BAZ2B: variants seen among roughly 807,000 people sequenced by gnomAD.
BAZ2B encodes the protein bromodomain adjacent to zinc finger domain protein 2B.
A neutral mutation model predicts 246.0 loss-of-function variants in BAZ2B; 91 were observed. The observed-to-expected ratio is 0.37, with a 90% CI of 0.31 to 0.44. The LOEUF is 0.44. Ranked by LOEUF, BAZ2B falls within the 20% of genes least tolerant of loss-of-function variation. BAZ2B has a pLI of 1.00. For missense variants in BAZ2B, 2,332 were observed against 2,533.7 expected (o/e 0.92, Z 1.71); for synonymous variants, 855 against 860.0 (o/e 0.99, Z 0.10).
the BAZ2B span, among the ~76,000 whole-genome samples, chr2:159,679,122 A>G: frequency 6.6e-6 from 1 of 151,966 alleles, no homozygotes; most frequent in Admixed American, 6.6e-5. Flanking sequence ...AATACAAAAA[A>G]TTAGCCTGCT....
intron 27 of BAZ2B, among the ~76,000 whole-genome samples, chr2:159,351,332 G>T (rs1379807189): frequency 6.6e-6 from 1 of 151,998 alleles, no homozygotes; most frequent in African/African-American, 2.4e-5. Flanking sequence ...AATGGCAACA[G>T]AATGAACTAT....
At chr2:159,510,854 T>A (rs1270035270) in intron 2 of BAZ2B, among the ~76,000 whole-genome samples, 1 of 152,176 alleles carries the variant, frequency 6.6e-6, no homozygotes. Context: ...ACTCATAATA[T>A]TTTACTTACA....
intron 2 of BAZ2B, among the ~76,000 whole-genome samples, chr2:159,482,589 T>C (rs2079360779): frequency 6.6e-6 from 1 of 152,146 alleles, no homozygotes; most frequent in Non-Finnish European, 1.5e-5. Context: ...ATAGATTATG[T>C]ATATCCTTAC....
chr2:159,390,243 T>C (rs1255634056), intron 20 of BAZ2B, among the ~76,000 whole-genome samples: 2 of 152,196 alleles, frequency 1.3e-5, no homozygotes, highest in Non-Finnish European at 2.9e-5. Flanking sequence ...TCTTCCTTGA[T>C]TAAAAGTCTT....
chr2:159,415,534 A>G (rs1168408995), intron 13 of BAZ2B, among the ~76,000 whole-genome samples: 2 of 152,078 alleles, frequency 1.3e-5, no homozygotes, highest in Non-Finnish European at 2.9e-5. Flanking sequence ...ATTACCTTAT[A>G]GTCCAAAATA....
Position 159,348,670 on chromosome 2 carries a change from G to A in BAZ2B, c.5293+8C>T. ...GAAAGAAAGCTGAAATATCTTTTAG[G>A]TACACACCATCCTTATTCTTGAGGC... On this transcript the variant is annotated splice_region_variant and intron_variant, in intron 30 of 36. Coordinates refer to ENST00000392783, the MANE Select transcript of BAZ2B (RefSeq NM_013450.4). 1.3e-6 allele frequency: 2 copies of A among 1,587,592 alleles called. No individual in the cohort carries two copies. The highest frequency in any genetic ancestry group is 2.3e-5 in the South Asian group (2 of 85,648).
At chr2:159,654,077 C>A in the BAZ2B span, among the ~76,000 whole-genome samples, 2 of 152,114 alleles carry the variant, frequency 1.3e-5, no homozygotes, top group Non-Finnish European at 1.5e-5. Context: ...AGTGGGAATG[C>A]AATCAGAAAT....
At chr2:159,559,230 G>A (rs1195702371) in intron 1 of BAZ2B, among the ~76,000 whole-genome samples, 2 of 151,044 alleles carry the variant, frequency 1.3e-5, no homozygotes, top group African/African-American at 2.4e-5. Context: ...GGGTGAAGGA[G>A]TAACCCTGTT....
intron 36 of BAZ2B, 129 bp downstream of exon 36, chr2:159,324,682 A>T: frequency 4.2e-6 from 1 of 239,766 alleles, no homozygotes; most frequent in Non-Finnish European, 7.5e-6. Context: ...ACACACACAC[A>T]CACACACCTG....
intron 2 of BAZ2B, among the ~76,000 whole-genome samples, chr2:159,486,880 T>C (rs1307662780): frequency 6.6e-6 from 1 of 152,078 alleles, no homozygotes; most frequent in Non-Finnish European, 1.5e-5. Flanking sequence ...CTAGCTAATA[T>C]GTTAAATATA....
intron 2 of BAZ2B, among the ~76,000 whole-genome samples, chr2:159,483,411 G>C (rs1383318067): frequency 1.3e-5 from 2 of 152,038 alleles, no homozygotes; most frequent in African/African-American, 4.8e-5. Flanking sequence ...TGTTGCCCAG[G>C]CTGGTCTTGA....
At chr2:159,653,380 A>C in the BAZ2B span, among the ~76,000 whole-genome samples, 1 of 152,210 alleles carries the variant, frequency 6.6e-6, no homozygotes, top group Admixed American at 6.5e-5. Flanking sequence ...ATTCTATTAA[A>C]GTATTTTGGA....
chr2:159,493,141 C>T (rs1214068095), intron 2 of BAZ2B, among the ~76,000 whole-genome samples: 1 of 152,138 alleles, frequency 6.6e-6, no homozygotes, highest in African/African-American at 2.4e-5. Flanking sequence ...CAGCATTCAA[C>T]CATACAGCAA....
chr2:159,593,706 G>A (rs555843145), intron 1 of BAZ2B, among the ~76,000 whole-genome samples: 13 of 152,160 alleles, frequency 8.5e-5, no homozygotes, highest in African/African-American at 2.4e-4. Context: ...CTCTATAAAC[G>A]CTACCTGCCT....
intron 1 of BAZ2B, among the ~76,000 whole-genome samples, chr2:159,574,142 TACACACACACACACAC>T (rs70997110): frequency 6.9e-6 from 1 of 145,070 alleles, no homozygotes; most frequent in Non-Finnish European, 1.5e-5. Context: ...CACACACACA[TACACACACACACACAC>T]ACACACACAC....
chr2:159,555,280 G>A (rs1314109467), intron 2 of BAZ2B, among the ~76,000 whole-genome samples: 1 of 151,690 alleles, frequency 6.6e-6, no homozygotes, highest in South Asian at 2.1e-4. Context: ...TAGTAGAGTC[G>A]GGGTTTTACC....
At chr2:159,351,936 G>GT (rs2058609402) in intron 27 of BAZ2B, among the ~76,000 whole-genome samples, 1 of 152,126 alleles carries the variant, frequency 6.6e-6, no homozygotes, top group South Asian at 2.1e-4. Flanking sequence ...GGGTAGCCAT[G>GT]GTTAATTACA....
chr2:159,700,013 T>C, the BAZ2B span, among the ~76,000 whole-genome samples: 1 of 152,164 alleles, frequency 6.6e-6, no homozygotes. Flanking sequence ...CAAGCCCTTT[T>C]TCAAGGGCCC....
chr2:159,316,901 T>G (rs2062189804), downstream of BAZ2B, among the ~76,000 whole-genome samples: 1 of 151,698 alleles, frequency 6.6e-6, no homozygotes, highest in Non-Finnish European at 1.5e-5. Context: ...CTCAGGAGGC[T>G]GAGGCACAAG....
Sources: allele counts gnomAD v4.1 joint callset (sites outside exome capture counted in the v4.1 genomes callset), GRCh38; gene constraint gnomAD v4.1.1; transcripts MANE v1.5; gene names NCBI Gene and HGNC (gene_info 2026-07-23, HGNC 2026-07-21).